LEPR: variants seen among roughly 807,000 people sequenced by gnomAD.
The protein encoded by LEPR is OB receptor.
LEPR carries 56 observed loss-of-function variants against 114.7 expected under a neutral mutation model. The ratio of observed to expected loss-of-function variants is 0.49; its 90% CI spans 0.39 to 0.61. The LOEUF (loss-of-function observed/expected upper bound fraction) is 0.61, where lower values mean the gene tolerates loss of function less well. Ranked by LOEUF, LEPR falls within the 20% of genes least tolerant of loss-of-function variation. The probability of loss-of-function intolerance (pLI) is 0.00; values close to 1 mark genes in which losing one functional copy is unlikely to be tolerated. For missense variants in LEPR, 1,202 were observed against 1,352.9 expected (o/e 0.89, Z 1.75); for synonymous variants, 443 against 461.4 (o/e 0.96, Z 0.51).
chr1:65,426,860 T>C (rs1173980839), intron 2 of LEPR, among the ~76,000 whole-genome samples: 1 of 152,046 alleles, frequency 6.6e-6, no homozygotes, highest in Non-Finnish European at 1.5e-5. Context: ...TAGCTGGGCG[T>C]GGTGGCACAC....
chr1:65,477,930 G>C (rs896459642), intron 2 of LEPR, among the ~76,000 whole-genome samples: 2 of 152,140 alleles, frequency 1.3e-5, no homozygotes, highest in Non-Finnish European at 2.9e-5. Context: ...AGTTACTTGG[G>C]CCATTTTGGG....
intron 2 of LEPR, among the ~76,000 whole-genome samples, chr1:65,550,133 TCGTGAAC>T (rs1351500118): frequency 6.6e-6 from 1 of 152,208 alleles, no homozygotes; most frequent in Non-Finnish European, 1.5e-5. Flanking sequence ...CCGCGGATTT[TCGTGAAC>T]CGCGAATGCT....
intron 5 of LEPR, among the ~76,000 whole-genome samples, chr1:65,584,289 A>G (rs1655180449): frequency 6.6e-6 from 1 of 152,008 alleles, no homozygotes; most frequent in Non-Finnish European, 1.5e-5. Context: ...GTATTTACAA[A>G]CCAGTGTCTG....
intron 2 of LEPR, among the ~76,000 whole-genome samples, chr1:65,545,582 T>G (rs1651633551): frequency 6.6e-6 from 1 of 152,338 alleles, no homozygotes; most frequent in South Asian, 2.1e-4. Flanking sequence ...TTTTCATGTG[T>G]CTTTTGGCTA....
intron 2 of LEPR, among the ~76,000 whole-genome samples, chr1:65,460,756 C>T (rs899813351): frequency 2.0e-5 from 3 of 151,980 alleles, no homozygotes; most frequent in Non-Finnish European, 4.4e-5. Context: ...ACAGGAGAAT[C>T]GCTTTCACCC....
At chr1:65,614,523 C>G (rs1169817122) in intron 14 of LEPR, among the ~76,000 whole-genome samples, 1 of 152,134 alleles carries the variant, frequency 6.6e-6, no homozygotes, top group Admixed American at 6.5e-5. Context: ...AAGCACTGTA[C>G]TCTAGTTGAT....
At chr1:65,586,295 C>T (rs1000359394) in intron 5 of LEPR, among the ~76,000 whole-genome samples, 1 of 151,960 alleles carries the variant, frequency 6.6e-6, no homozygotes, top group East Asian at 1.9e-4. Flanking sequence ...GATAATATTA[C>T]TAAAGGTGTT....
At chr1:65,468,853 G>A (rs1647048251) in intron 2 of LEPR, among the ~76,000 whole-genome samples, 1 of 152,210 alleles carries the variant, frequency 6.6e-6, no homozygotes, top group South Asian at 2.1e-4. Flanking sequence ...TTGGGTATAA[G>A]AAATAAGAAA....
At chr1:65,624,245 A>G (rs555984951) in intron 19 of LEPR, among the ~76,000 whole-genome samples, 21 of 152,280 alleles carry the variant, frequency 1.4e-4, no homozygotes, top group Admixed American at 3.3e-4. Flanking sequence ...TACTTGTGAC[A>G]TAGTAAGGTC....
At chr1:65,595,112 T>C (rs1445446993) in intron 6 of LEPR, among the ~76,000 whole-genome samples, 1 of 151,966 alleles carries the variant, frequency 6.6e-6, no homozygotes, top group African/African-American at 2.4e-5. Context: ...TGAAAAGACA[T>C]ATAGGAGACC....
At chr1:65,448,474 T>TGTA (rs1179274018) in intron 2 of LEPR, among the ~76,000 whole-genome samples, 1 of 152,206 alleles carries the variant, frequency 6.6e-6, no homozygotes, top group African/African-American at 2.4e-5. Context: ...ATATTGGATC[T>TGTA]GTAGTCTTTT....
intron 2 of LEPR, among the ~76,000 whole-genome samples, chr1:65,482,675 A>C (rs1392771726): frequency 6.6e-6 from 1 of 152,162 alleles, no homozygotes; most frequent in Non-Finnish European, 1.5e-5. Context: ...CATAGATATC[A>C]ATTCCATGTC....
intron 2 of LEPR, among the ~76,000 whole-genome samples, chr1:65,478,133 G>A (rs1647178702): frequency 6.6e-6 from 1 of 152,160 alleles, no homozygotes; most frequent in African/African-American, 2.4e-5. Context: ...CTAAATATGT[G>A]CAAGAGCTTG....
Position 65,520,597 on chromosome 1 carries a change from G to A in LEPR, c.-20-44949G>A, listed in dbSNP as rs548213302. On this transcript the variant is annotated intron_variant, in intron 2 of 19. Coordinates refer to ENST00000349533, the MANE Select transcript of LEPR (RefSeq NM_002303.6). ...GTTTGCCAAGACCAGCTCGGCTGGG[G>A]AGACCCTAACCCAGCGGCGCTAGAA... Among the ~76,000 whole-genome samples, 12 of 152,310 alleles carry A rather than the reference G, an allele frequency of 7.9e-5. No homozygotes were observed. The South Asian group carries it at 2.3e-3, about 29-fold the overall frequency.
At chr1:65,466,481 G>A (rs1234936551) in intron 2 of LEPR, among the ~76,000 whole-genome samples, 3 of 152,078 alleles carry the variant, frequency 2.0e-5, no homozygotes, top group Non-Finnish European at 4.4e-5. Context: ...TTCGACCTTG[G>A]TGAATCTGAC....
chr1:65,585,834 T>C lies in LEPR; in HGVS notation c.495-6823T>C, dbSNP rs76324006. Among the ~76,000 whole-genome samples the C allele has an allele frequency of 5.6e-3, 854 of 152,148 alleles. 10 individuals are homozygous for C. Among genetic ancestry groups the C allele is most frequent in the African/African-American group, 0.02 (820 of 41,554 alleles). On this transcript the variant is annotated intron_variant, in intron 5 of 19. Transcript: ENST00000349533. ...ATTATCAAATTTGTTAGAGTATGTT[T>C]TGATATTAGTAAAAACAGAGTTCTT...
intron 2 of LEPR, among the ~76,000 whole-genome samples, chr1:65,494,355 C>A (rs1329762189): frequency 1.3e-5 from 2 of 152,074 alleles, no homozygotes; most frequent in Non-Finnish European, 1.5e-5. Context: ...AGGGGAAAGT[C>A]ATTATCTCCC....
intron 15 of LEPR, 85 bp downstream of exon 15, chr1:65,616,309 G>T: frequency 1.4e-6 from 2 of 1,388,750 alleles, no homozygotes; most frequent in Non-Finnish European, 9.9e-7. Context: ...TATCTTTCAA[G>T]CAGCCTGCAA....
intron 2 of LEPR, among the ~76,000 whole-genome samples, chr1:65,543,754 G>A (rs936919090): frequency 6.6e-6 from 1 of 151,920 alleles, no homozygotes; most frequent in Non-Finnish European, 1.5e-5. Context: ...GTTTTTGTCA[G>A]GATTGTCAAA....
Sources: allele counts gnomAD v4.1 joint callset (sites outside exome capture counted in the v4.1 genomes callset), GRCh38; gene constraint gnomAD v4.1.1; transcripts MANE v1.5; gene names NCBI Gene and HGNC (gene_info 2026-07-23, HGNC 2026-07-21).